The following COX10 variants were observed in gnomAD, a reference collection of about 807,000 sequenced individuals.
COX10 encodes the protein protoheme IX farnesyltransferase, mitochondrial.
A neutral mutation model predicts 37.3 loss-of-function variants in COX10; 27 were observed. That is an observed-to-expected ratio of 0.72 (90% confidence interval 0.53 to 1.00). The LOEUF (loss-of-function observed/expected upper bound fraction) is 1.00. COX10 is among the 50% of genes least tolerant of loss of function. COX10 has a pLI of 0.00. For synonymous variants in COX10, 222 were observed against 229.1 expected, an observed-to-expected ratio of 0.97 and a Z score of 0.28; for missense variants, 475 against 563.2, an observed-to-expected ratio of 0.84 and a Z score of 1.59.
intron 4 of COX10, 141 bp downstream of exon 4, chr17:14,102,383 G>A: frequency 2.3e-6 from 3 of 1,293,888 alleles, no homozygotes; most frequent in African/African-American, 1.5e-5. Flanking sequence ...GGAGCCTGTG[G>A]GTTTCATAAC....
chr17:14,183,406 A>G (rs1021081356), intron 5 of COX10, among the ~76,000 whole-genome samples: 1 of 152,144 alleles, frequency 6.6e-6, no homozygotes, highest in Non-Finnish European at 1.5e-5. Flanking sequence ...CTTTTTTTAC[A>G]ATATTATCAC....
chr17:14,202,513 AGAT>A (rs927300290), intron 6 of COX10, among the ~76,000 whole-genome samples: 1 of 152,094 alleles, frequency 6.6e-6, no homozygotes, highest in Non-Finnish European at 1.5e-5. Flanking sequence ...CTCATCTATA[AGAT>A]GATGATGATG....
chr17:14,172,577 T>C (rs7216528), intron 5 of COX10, among the ~76,000 whole-genome samples: 53,062 of 126,714 alleles, frequency 0.42, 10,392 homozygotes, highest in Middle Eastern at 0.51. Flanking sequence ...TTTTTCTTTT[T>C]CTTTTTTTTT....
intron 4 of COX10, among the ~76,000 whole-genome samples, chr17:14,141,877 A>AT (rs1904554818): frequency 6.6e-6 from 1 of 152,200 alleles, no homozygotes; most frequent in Admixed American, 6.6e-5. Flanking sequence ...GATCTGGAAG[A>AT]TTTTTTAAAT....
intron 4 of COX10, among the ~76,000 whole-genome samples, chr17:14,154,721 A>G (rs1034946389): frequency 6.6e-6 from 1 of 152,228 alleles, no homozygotes; most frequent in African/African-American, 2.4e-5. Context: ...CATCACTTAC[A>G]CTGTCTTTTC....
chr17:14,197,273 G>T (rs757238976), intron 6 of COX10, among the ~76,000 whole-genome samples: 82 of 152,276 alleles, frequency 5.4e-4, no homozygotes, highest in Admixed American at 1.3e-3. Context: ...TTTCCCCTTT[G>T]TGGTGTCTGG....
At chr17:14,084,110 G>A (rs1915357585) in intron 3 of COX10, among the ~76,000 whole-genome samples, 3 of 152,042 alleles carry the variant, frequency 2.0e-5, no homozygotes, top group African/African-American at 4.8e-5. Flanking sequence ...GAGGATACAC[G>A]TTCATTTTAG....
chr17:14,204,502 G>T (rs1906637250), intron 6 of COX10, among the ~76,000 whole-genome samples: 1 of 151,834 alleles, frequency 6.6e-6, no homozygotes, highest in Non-Finnish European at 1.5e-5. Context: ...CGCACATCCT[G>T]TCCCTTTTGC....
chr17:14,100,313 G>C (rs1421519535), intron 3 of COX10, among the ~76,000 whole-genome samples: 1 of 152,156 alleles, frequency 6.6e-6, no homozygotes, highest in East Asian at 1.9e-4. Context: ...GCCTAGCTCA[G>C]TGATAGCCCC....
chr17:14,069,614 A>C lies in COX10; in HGVS notation c.9A>C (p.Ala3=). 1 of 1,614,108 alleles carries C rather than the reference A, an allele frequency of 6.2e-7. No homozygotes were observed. Among genetic ancestry groups the C allele is most frequent in the Non-Finnish European group, 8.5e-7 (1 of 1,180,014 alleles). ...CCCCAGACTCGTAAATTATGGCCGC[A>C]TCTCCGCACACTCTCTCCTCACGCC... MA[A]SPHTLSSRLL... Residue 3 remains alanine (A), a synonymous_variant, in exon 1 of 7, where the codon GCA becomes GCC. Coordinates refer to ENST00000261643, the MANE Select transcript of COX10 (RefSeq NM_001303.4).
intron 6 of COX10, among the ~76,000 whole-genome samples, chr17:14,205,039 C>T (rs551833982): frequency 7.2e-5 from 11 of 152,216 alleles, no homozygotes; most frequent in African/African-American, 2.4e-4. Context: ...CCCAAGAGAT[C>T]GAGGCTGCAG....
At chr17:14,206,334 C>T (rs999636107) in intron 6 of COX10, among the ~76,000 whole-genome samples, 4 of 152,092 alleles carry the variant, frequency 2.6e-5, no homozygotes, top group Non-Finnish European at 5.9e-5. Flanking sequence ...CGGGTCCCAG[C>T]GGGCGGAAAT....
At chr17:14,102,756 C>T (rs886368191) in intron 4 of COX10, among the ~76,000 whole-genome samples, 2 of 151,874 alleles carry the variant, frequency 1.3e-5, no homozygotes, top group African/African-American at 4.8e-5. Context: ...TTAATACATC[C>T]CCCCCTATTA....
intron 4 of COX10, among the ~76,000 whole-genome samples, chr17:14,132,614 C>G (rs896484233): frequency 1.3e-5 from 2 of 151,414 alleles, no homozygotes; most frequent in African/African-American, 4.8e-5. Flanking sequence ...ATATATTGTT[C>G]TACCTTAGAA....
Position 14,106,172 on chromosome 17 carries a change from G to A in COX10, c.624+3930G>A, listed in dbSNP as rs544257181. ...GCTGGTATTATAGGCGCCCGCCACC[G>A]TGCCCACCTAATTTTTGTATTTTTA... On this transcript the variant is annotated intron_variant, in intron 4 of 6. Transcript: ENST00000261643. Among the ~76,000 whole-genome samples, 3 of 151,726 alleles carry A rather than the reference G, an allele frequency of 2.0e-5. No individual in the cohort carries two copies. The South Asian group carries it at 6.2e-4, about 32-fold the overall frequency.
At chr17:14,203,602 T>A (rs79688352) in intron 6 of COX10, among the ~76,000 whole-genome samples, 7,950 of 152,294 alleles carry the variant, frequency 0.052, 260 homozygotes, top group Middle Eastern at 0.095. Context: ...CTCTGCACTC[T>A]GTGCTGTTGA....
At chr17:14,125,259 A>C (rs925495478) in intron 4 of COX10, among the ~76,000 whole-genome samples, 1 of 152,206 alleles carries the variant, frequency 6.6e-6, no homozygotes, top group African/African-American at 2.4e-5. Flanking sequence ...AGGAAGCGAC[A>C]GCATGCCTGT....
At chr17:14,126,810 T>C (rs1465522519) in intron 4 of COX10, among the ~76,000 whole-genome samples, 2 of 152,162 alleles carry the variant, frequency 1.3e-5, no homozygotes, top group African/African-American at 4.8e-5. Context: ...GAATTATTAA[T>C]ATCTCTCTTT....
chr17:14,117,981 C>T (rs767968906), intron 4 of COX10, among the ~76,000 whole-genome samples: 13 of 152,040 alleles, frequency 8.6e-5, no homozygotes, highest in South Asian at 2.1e-4. Context: ...GGAGTCAGGC[C>T]GCCCACCTAG....
Sources: gnomAD v4.1 joint callset for allele counts (sites outside exome capture counted in the v4.1 genomes callset) on GRCh38, gnomAD v4.1.1 for gene constraint, MANE v1.5 for transcripts, NCBI Gene and HGNC (gene_info 2026-07-23, HGNC 2026-07-21) for gene names.